PTPRM: variants seen among roughly 807,000 people sequenced by gnomAD.
PTPRM encodes the protein receptor-type tyrosine-protein phosphatase mu.
A neutral mutation model predicts 186.7 loss-of-function variants in PTPRM; 47 were observed. The observed-to-expected ratio is 0.25, with a 90% CI of 0.20 to 0.32. The LOEUF is 0.32. Ranked by LOEUF, PTPRM falls within the 10% of genes least tolerant of loss-of-function variation. The pLI, the probability that PTPRM is intolerant of heterozygous loss-of-function variation, is 1.00. For synonymous variants in PTPRM, 668 were observed against 674.9 expected (o/e 0.99, Z 0.16); for missense variants, 1,494 against 1,865.0 (o/e 0.80, Z 3.66).
At chr18:8,129,505 C>A (rs528141492) in intron 13 of PTPRM, among the ~76,000 whole-genome samples, 61 of 129,366 alleles carry the variant, frequency 4.7e-4, no homozygotes, top group African/African-American at 1.4e-3. Flanking sequence ...AATATTCAGT[C>A]TAACAGTTTT....
intron 29 of PTPRM, among the ~76,000 whole-genome samples, chr18:8,381,106 G>A (rs1006817491): frequency 2.0e-5 from 3 of 152,176 alleles, no homozygotes; most frequent in Non-Finnish European, 4.4e-5. Flanking sequence ...ACATTAAAGA[G>A]AAAGAATTGG....
chr18:7,756,101 A>G (rs1228302900), intron 1 of PTPRM, among the ~76,000 whole-genome samples: 1 of 152,136 alleles, frequency 6.6e-6, no homozygotes, highest in Non-Finnish European at 1.5e-5. Context: ...TAGTACAGCA[A>G]TTCCGAGTCT....
chr18:8,153,470 T>C (rs2093056091), intron 14 of PTPRM, among the ~76,000 whole-genome samples: 1 of 152,236 alleles, frequency 6.6e-6, no homozygotes, highest in South Asian at 2.1e-4. Context: ...TACATGATTA[T>C]TTACTAGATA....
At chr18:8,371,372 A>G (rs1258842137) in intron 24 of PTPRM, among the ~76,000 whole-genome samples, 1 of 152,156 alleles carries the variant, frequency 6.6e-6, no homozygotes, top group African/African-American at 2.4e-5. Flanking sequence ...TTCATGGTGT[A>G]TGTCGATATG....
intron 11 of PTPRM, among the ~76,000 whole-genome samples, chr18:8,111,485 C>T (rs988170873): frequency 2.6e-5 from 4 of 151,876 alleles, no homozygotes; most frequent in South Asian, 2.1e-4. Context: ...TGGTGGCGGG[C>T]GCCTGTAGTT....
chr18:7,929,915 C>T (rs1309036010), intron 5 of PTPRM, among the ~76,000 whole-genome samples: 1 of 152,152 alleles, frequency 6.6e-6, no homozygotes, highest in Non-Finnish European at 1.5e-5. Context: ...TCATTTGGGT[C>T]CTCAAAATAA....
At chr18:8,259,555 G>A (rs995504727) in intron 19 of PTPRM, among the ~76,000 whole-genome samples, 5 of 150,760 alleles carry the variant, frequency 3.3e-5, no homozygotes, top group Admixed American at 6.6e-5. Flanking sequence ...TGCAAGTTCA[G>A]TGTTTTATTT....
rs1022381919 is a variant in PTPRM at position 8,394,418 on chromosome 18, T to G, written c.4209-58T>G. On this transcript the variant is annotated intron_variant, in intron 31 of 32. Coordinates refer to ENST00000580170, the MANE Select transcript of PTPRM (RefSeq NM_001105244.2). ...TTAGACAGCTTGTTTCCACAGGTGT[T>G]TGCAAGATGCAGTGTAAAGACAGAC... The G allele has an allele frequency of 1.1e-4, 171 of 1,521,630 alleles. 1 individual carries two copies. Among genetic ancestry groups the G allele is most frequent in the South Asian group, 5.0e-4 (39 of 77,320 alleles). 94.3% of individuals were successfully genotyped at this position (1,521,630 alleles called of 1,614,324 possible).
intron 2 of PTPRM, among the ~76,000 whole-genome samples, chr18:7,849,643 T>A (rs1599047795): frequency 6.6e-6 from 1 of 152,364 alleles, no homozygotes; most frequent in Middle Eastern, 3.4e-3. Flanking sequence ...GCAGCTATGA[T>A]ATGTATACTT....
At chr18:7,865,125 C>T (rs1461387650) in intron 2 of PTPRM, among the ~76,000 whole-genome samples, 1 of 152,168 alleles carries the variant, frequency 6.6e-6, no homozygotes, top group African/African-American at 2.4e-5. Flanking sequence ...TCTAAATATA[C>T]AATCATGTCA....
At chr18:8,036,337 C>T (rs2086327415) in intron 7 of PTPRM, among the ~76,000 whole-genome samples, 1 of 152,184 alleles carries the variant, frequency 6.6e-6, no homozygotes, top group African/African-American at 2.4e-5. Flanking sequence ...GGCAAAGTAA[C>T]CTTTTAGAGA....
Position 7,995,180 on chromosome 18 carries a change from C to T in PTPRM, c.1132+39766C>T, listed in dbSNP as rs1382840830. 2.0e-5 allele frequency among the ~76,000 whole-genome samples: 3 copies of T among 152,080 alleles called. No homozygotes were observed. In the East Asian group the frequency reaches 5.8e-4, roughly 29 times the overall value. ...ATTAGAGACTATTAGGAACAACTAA[C>T]AACAACAGATTCCTGGACACATATA... On this transcript the variant is annotated intron_variant, in intron 7 of 32. Transcript: ENST00000580170.
chr18:8,240,695 G>GAA (rs2094418049), intron 14 of PTPRM, among the ~76,000 whole-genome samples: 2 of 40,398 alleles, frequency 5.0e-5, no homozygotes, highest in East Asian at 5.7e-4. Context: ...AAGAGAGAAA[G>GAA]AGAGAAAGAA....
At chr18:8,400,167 G>A (rs1415085405) in intron 32 of PTPRM, among the ~76,000 whole-genome samples, 2 of 152,202 alleles carry the variant, frequency 1.3e-5, no homozygotes, top group Admixed American at 1.3e-4. Flanking sequence ...CACGTGCCTT[G>A]TAAGATTCAG....
At position 8,140,758 on chromosome 18, in the gene PTPRM, C is replaced by A. The variant is rs78473711; in HGVS notation, c.2168-2889C>A. On this transcript the variant is annotated intron_variant, in intron 13 of 32. Coordinates refer to ENST00000580170, the MANE Select transcript of PTPRM (RefSeq NM_001105244.2). ...CTCTTCAAAAGGAACTAAATGCACA[C>A]TGCTGTCCTAACAGAATACACACAA... 8.2e-3 allele frequency among the ~76,000 whole-genome samples: 1,250 copies of A among 152,214 alleles called. 17 individuals are homozygous for A. Among genetic ancestry groups the A allele is most frequent in the African/African-American group, 0.028 (1,151 of 41,510 alleles).
At chr18:8,343,802 T>A (rs1006366436) in intron 23 of PTPRM, among the ~76,000 whole-genome samples, 1 of 152,250 alleles carries the variant, frequency 6.6e-6, no homozygotes. Context: ...TAAGCATGAA[T>A]GCTGATTGTT....
intron 5 of PTPRM, among the ~76,000 whole-genome samples, chr18:7,933,062 T>C (rs2051580674): frequency 6.6e-6 from 1 of 152,230 alleles, no homozygotes; most frequent in Non-Finnish European, 1.5e-5. Context: ...CATCCCTTTG[T>C]CCAACAAATC....
At chr18:7,609,499 A>C (rs953284618) in intron 1 of PTPRM, among the ~76,000 whole-genome samples, 2 of 148,992 alleles carry the variant, frequency 1.3e-5, no homozygotes, top group Admixed American at 1.3e-4. Context: ...ATAGCAGTGC[A>C]TTCTAGAAAC....
At chr18:7,794,157 G>T (rs542588044) in intron 2 of PTPRM, among the ~76,000 whole-genome samples, 2 of 152,116 alleles carry the variant, frequency 1.3e-5, no homozygotes, top group Non-Finnish European at 2.9e-5. Context: ...TGATTCTTCC[G>T]GTACACTAAG....
Sources: gnomAD v4.1 joint callset for allele counts (sites outside exome capture counted in the v4.1 genomes callset) on GRCh38, gnomAD v4.1.1 for gene constraint, MANE v1.5 for transcripts, NCBI Gene and HGNC (gene_info 2026-07-23, HGNC 2026-07-21) for gene names.